STPG2: variants seen among roughly 807,000 people sequenced by gnomAD.
STPG2 encodes sperm-tail PG-rich repeat-containing protein 2.
STPG2 carries 56 observed loss-of-function variants against 54.2 expected under a neutral mutation model. The ratio of observed to expected loss-of-function variants is 1.03; its 90% CI spans 0.83 to 1.29. The LOEUF is 1.29. STPG2 is among the 50% of genes most tolerant of loss of function. STPG2 has a pLI of 0.00. For synonymous variants in STPG2, 200 were observed against 181.8 expected (o/e 1.10, Z -0.81); for missense variants, 596 against 544.9 (o/e 1.09, Z -0.93).
chr4:97,781,314 T>A (rs1726603588), intron 9 of STPG2, among the ~76,000 whole-genome samples: 1 of 152,004 alleles, frequency 6.6e-6, no homozygotes, highest in Non-Finnish European at 1.5e-5. Context: ...TCTACGCAAA[T>A]AAACTAGAAA....
At chr4:98,003,222 AGTT>A (rs1344632008) in intron 5 of STPG2, among the ~76,000 whole-genome samples, 1 of 152,064 alleles carries the variant, frequency 6.6e-6, no homozygotes, top group Non-Finnish European at 1.5e-5. Context: ...ACAGATGAAA[AGTT>A]GTAATATTTT....
chr4:97,680,537 A>G (rs370560313), intron 10 of STPG2, among the ~76,000 whole-genome samples: 1 of 151,940 alleles, frequency 6.6e-6, no homozygotes, highest in Non-Finnish European at 1.5e-5. Flanking sequence ...GGGCTGAGAC[A>G]ATGGGGTTTT....
intron 8 of STPG2, among the ~76,000 whole-genome samples, chr4:97,864,406 G>A (rs989263780): frequency 5.3e-5 from 8 of 152,248 alleles, no homozygotes; most frequent in African/African-American, 1.7e-4. Flanking sequence ...TCTCTTCAAG[G>A]AGAACTACAA....
chr4:97,752,162 C>T (rs1725599359), intron 9 of STPG2, among the ~76,000 whole-genome samples: 1 of 151,772 alleles, frequency 6.6e-6, no homozygotes, highest in South Asian at 2.1e-4. Flanking sequence ...TACACATAAA[C>T]TTACAAGCAG....
chr4:98,038,610 T>A, intron 5 of STPG2, among the ~76,000 whole-genome samples: 1 of 151,422 alleles, frequency 6.6e-6, no homozygotes. Flanking sequence ...CAAAAGAAAA[T>A]ATAAAATAGC....
intron 10 of STPG2, among the ~76,000 whole-genome samples, chr4:97,644,816 T>C (rs1210395558): frequency 1.3e-5 from 2 of 152,050 alleles, no homozygotes; most frequent in African/African-American, 4.8e-5. Flanking sequence ...TAAAGCCTCC[T>C]TACTTTAAAC....
chr4:97,783,649 A>G (rs1315910974), intron 9 of STPG2, among the ~76,000 whole-genome samples: 3 of 152,208 alleles, frequency 2.0e-5, no homozygotes, highest in African/African-American at 4.8e-5. Flanking sequence ...GGCACTATTC[A>G]CAATAGCAAA....
intron 8 of STPG2, among the ~76,000 whole-genome samples, chr4:97,888,815 C>G (rs1252400437): frequency 6.6e-6 from 1 of 152,154 alleles, no homozygotes; most frequent in Non-Finnish European, 1.5e-5. Context: ...TTGCAACCCC[C>G]AGTGTTGAAG....
rs543306672 is a variant in STPG2, at chr4:97,910,958, C to G, written c.1044+32939G>C. ...CACCTTCAACTAAGGTATCCAGGTTCTCGTTTGGTACTGACTACGCAATCG... is the reference window on the plus strand; with the variant it reads ...CACCTTCAACTAAGGTATCCAGGTTGTCGTTTGGTACTGACTACGCAATCG... On this transcript the variant is annotated intron_variant, in intron 8 of 10. Coordinates refer to ENST00000295268, the MANE Select transcript of STPG2 (RefSeq NM_174952.3). Among the ~76,000 whole-genome samples the G allele has an allele frequency of 2.6e-5, 4 of 152,260 alleles. No individual in the cohort carries two copies. In the South Asian group the frequency reaches 8.3e-4, roughly 32 times the overall value.
intron 4 of STPG2, among the ~76,000 whole-genome samples, chr4:97,484,274 A>G (rs1239577448): frequency 6.6e-6 from 1 of 151,856 alleles, no homozygotes; most frequent in African/African-American, 2.4e-5. Context: ...AAATGAAGCA[A>G]ACAGCCAGTT....
intron 10 of STPG2, among the ~76,000 whole-genome samples, chr4:97,696,271 G>A (rs1406118073): frequency 6.6e-6 from 1 of 152,188 alleles, no homozygotes; most frequent in Non-Finnish European, 1.5e-5. Context: ...AACATAAAGT[G>A]TGGAGAGGTC....
chr4:97,876,126 T>TA (rs1268073123), intron 8 of STPG2, among the ~76,000 whole-genome samples: 1 of 152,056 alleles, frequency 6.6e-6, no homozygotes, highest in East Asian at 1.9e-4. Context: ...AAGCGAATGC[T>TA]AAAAAGTCTG....
At chr4:97,928,972 T>G (rs1732438439) in intron 8 of STPG2, among the ~76,000 whole-genome samples, 1 of 152,144 alleles carries the variant, frequency 6.6e-6, no homozygotes, top group Non-Finnish European at 1.5e-5. Context: ...TACAGATATT[T>G]CACAACCCAG....
At chr4:97,723,250 T>A (rs1724512976) in intron 9 of STPG2, among the ~76,000 whole-genome samples, 1 of 152,120 alleles carries the variant, frequency 6.6e-6, no homozygotes. Flanking sequence ...TAGTCGTTAC[T>A]TTTGGAGTTT....
chr4:97,754,093 T>A (rs1389345802), intron 9 of STPG2, among the ~76,000 whole-genome samples: 1 of 152,084 alleles, frequency 6.6e-6, no homozygotes, highest in Non-Finnish European at 1.5e-5. Flanking sequence ...TTATATTTTT[T>A]AACTAAGTTT....
At chr4:97,678,054 G>A (rs550908462) in intron 10 of STPG2, among the ~76,000 whole-genome samples, 1 of 151,862 alleles carries the variant, frequency 6.6e-6, no homozygotes, top group African/African-American at 2.4e-5. Flanking sequence ...TAAATGTTTT[G>A]TAGATGTTAG....
At chr4:98,035,068 C>T (rs964271625) in intron 5 of STPG2, among the ~76,000 whole-genome samples, 1 of 152,134 alleles carries the variant, frequency 6.6e-6, no homozygotes, top group African/African-American at 2.4e-5. Flanking sequence ...ACACCAAAAG[C>T]AATGGCAACA....
chr4:97,639,112 T>C (rs1415194929), intron 10 of STPG2, among the ~76,000 whole-genome samples: 1 of 152,022 alleles, frequency 6.6e-6, no homozygotes, highest in Admixed American at 6.6e-5. Flanking sequence ...CCAACAATGA[T>C]AGACTGGCTT....
chr4:97,821,847 C>T (rs1026149266), intron 9 of STPG2, among the ~76,000 whole-genome samples: 2 of 152,202 alleles, frequency 1.3e-5, no homozygotes, highest in Non-Finnish European at 2.9e-5. Context: ...CTGCACAAGG[C>T]AGCCAAGCCC....
Sources: allele counts gnomAD v4.1 joint callset (sites outside exome capture counted in the v4.1 genomes callset), GRCh38; gene constraint gnomAD v4.1.1; transcripts MANE v1.5; gene names NCBI Gene and HGNC (gene_info 2026-07-23, HGNC 2026-07-21).